MARCKS: variants seen among roughly 807,000 people sequenced by gnomAD.
MARCKS encodes the protein myristoylated alanine rich protein kinase C substrate, also known as myristoylated alanine-rich C-kinase substrate.
MARCKS carries 4 observed loss-of-function variants against 6.3 expected under a neutral mutation model. The ratio of observed to expected loss-of-function variants is 0.63; its 90% CI spans 0.31 to 1.45. The LOEUF (loss-of-function observed/expected upper bound fraction) is 1.45. MARCKS is among the 40% of genes most tolerant of loss of function. The pLI is 0.07. For synonymous variants in MARCKS, 289 were observed against 236.5 expected (o/e 1.22, Z -2.04); for missense variants, 636 against 485.7 (o/e 1.31, Z -2.91).
Position 113,861,582 on chromosome 6 carries a change from C to A in MARCKS, c.*1003C>A, listed in dbSNP as rs374346755. Reference sequence around the variant, plus strand: ...ATTACAGCAGATAATGCTTTCTTTTCCAGTCGTCTTTGAGAATAAAGGAAA... The same window carrying A: ...ATTACAGCAGATAATGCTTTCTTTTACAGTCGTCTTTGAGAATAAAGGAAA... On this transcript the variant is annotated 3_prime_UTR_variant, in exon 2 of 2. Transcript: ENST00000612661. The A allele has an allele frequency of 7.3e-5, 11 of 150,604 alleles. No individual in the cohort carries two copies. Among genetic ancestry groups the A allele is most frequent in the African/African-American group, 2.4e-4 (10 of 40,900 alleles). 9.3% of individuals were successfully genotyped at this position (150,604 alleles called of 1,614,324 possible). A position where few individuals can be genotyped will look rare whatever the true frequency, so the allele number is the denominator to read the frequency against.
At chr6:113,858,082 A>C (rs1271043479) in intron 1 of MARCKS, among the ~76,000 whole-genome samples, 11 of 152,130 alleles carry the variant, frequency 7.2e-5, no homozygotes, top group African/African-American at 7.2e-5. Flanking sequence ...GGAGTGATAA[A>C]TCGTCTAAAA....
Position 113,861,820 on chromosome 6 carries a change from T to C in MARCKS, c.*1241T>C, listed in dbSNP as rs1218069736. 1 of 152,626 alleles carries C rather than the reference T, an allele frequency of 6.6e-6. No individual in the cohort carries two copies. The highest frequency in any genetic ancestry group is 2.4e-5 in the African/African-American group (1 of 41,466). The allele number at this position is 152,626 out of a possible 1,614,324, so 9.5% of individuals were successfully genotyped here. On this transcript the variant is annotated 3_prime_UTR_variant, in exon 2 of 2. Transcript: ENST00000612661. ...AAAATGTACAAATTTGTTGTGTTTT[T>C]TTATGTTCTAATAATACTGAGACTT...
rs1477810287 is a variant in MARCKS, at chr6:113,862,098, G to A, written c.*1519G>A. On this transcript the variant is annotated 3_prime_UTR_variant, in exon 2 of 2. Coordinates refer to ENST00000612661, the MANE Select transcript of MARCKS (RefSeq NM_002356.7). Reference sequence around the variant, plus strand: ...TCAGATTAAATCATTTACAACAAAAGGGGTGTGAACCTAAGACTATTTAAA... The same window carrying A: ...TCAGATTAAATCATTTACAACAAAAAGGGTGTGAACCTAAGACTATTTAAA... 1 of 152,092 alleles carries A rather than the reference G, an allele frequency of 6.6e-6. No homozygotes were observed. Among genetic ancestry groups the A allele is most frequent in the Non-Finnish European group, 1.5e-5 (1 of 67,960 alleles). 9.4% of individuals were successfully genotyped at this position (152,092 alleles called of 1,614,324 possible).
At position 113,860,103 on chromosome 6, in the gene MARCKS, A is replaced by C. The variant is rs1774865712; in HGVS notation, c.523A>C (p.Lys175Gln). Residue 175 changes from lysine to glutamine, a missense_variant, in exon 2 of 2, where the codon AAG becomes CAG. Transcript: ENST00000612661. Reference protein sequence around the residue: ...KLSGFSFKKNKKEAGEGGEAE... With the variant: ...KLSGFSFKKNQKEAGEGGEAE... ...GAGCGGCTTCTCCTTCAAGAAGAACAAGAAGGAGGCTGGAGAAGGCGGTGA... is the reference window on the plus strand; with the variant it reads ...GAGCGGCTTCTCCTTCAAGAAGAACCAGAAGGAGGCTGGAGAAGGCGGTGA... 6.4e-7 allele frequency: 1 copy of C among 1,559,572 alleles called. No homozygotes were observed. The highest frequency in any genetic ancestry group is 1.4e-5 in the African/African-American group (1 of 70,708).
chr6:113,860,188 C>T lies in MARCKS; in HGVS notation c.608C>T (p.Ala203Val), dbSNP rs1001274333. The T allele has an allele frequency of 9.9e-5, 118 of 1,195,062 alleles. No individual in the cohort carries two copies. The highest frequency in any genetic ancestry group is 1.2e-4 in the Non-Finnish European group (113 of 957,528). The allele number at this position is 1,195,062 out of a possible 1,614,324, so 74.0% of individuals were successfully genotyped here. A position where few individuals can be genotyped will look rare whatever the true frequency, so the allele number is the denominator to read the frequency against. The change falls in exon 2 of 2, where the codon GCC (alanine) becomes GTC (valine). Residue 203 changes from alanine to valine, a missense_variant. Ala to Val is a moderately conservative substitution (Grantham distance 64). Transcript: ENST00000612661. The part of the protein sequence containing the change: ...KDEAAGGAAA[A>V]AAEAGAASGE... ...GAGGCCGCCGGGGGCGCAGCTGCGG[C>T]CGCCGCCGAGGCGGGCGCGGCCTCC...
At chr6:113,858,512 A>G (rs1002691398) in intron 1 of MARCKS, among the ~76,000 whole-genome samples, 1 of 152,154 alleles carries the variant, frequency 6.6e-6, no homozygotes, top group African/African-American at 2.4e-5. Context: ...TGGGGTGGGA[A>G]CACTCGGTGG....
rs766098375 is a variant in MARCKS, at chr6:113,861,866, T to A, written c.*1287T>A. ...GACTTCTAGGTCTTAGGTTAATTTTTAGGAAGATCTTGCATGCCATCAGGA... is the reference window on the plus strand; with the variant it reads ...GACTTCTAGGTCTTAGGTTAATTTTAAGGAAGATCTTGCATGCCATCAGGA... On this transcript the variant is annotated 3_prime_UTR_variant, in exon 2 of 2. Coordinates refer to ENST00000612661, the MANE Select transcript of MARCKS (RefSeq NM_002356.7). The A allele has an allele frequency of 6.5e-6, 1 of 152,734 alleles. No homozygotes were observed. Among genetic ancestry groups the A allele is most frequent in the Non-Finnish European group, 1.5e-5 (1 of 67,990 alleles). 9.5% of individuals were successfully genotyped at this position (152,734 alleles called of 1,614,324 possible).
Position 113,861,861 on chromosome 6 carries a change from A to G in MARCKS, c.*1282A>G, listed in dbSNP as rs1774905331. 6.6e-6 allele frequency: 1 copy of G among 152,574 alleles called. No homozygotes were observed. The highest frequency in any genetic ancestry group is 6.5e-5 in the Admixed American group (1 of 15,280). The allele number at this position is 152,574 out of a possible 1,614,324, so 9.5% of individuals were successfully genotyped here. A position where few individuals can be genotyped will look rare whatever the true frequency, so the allele number is the denominator to read the frequency against. On this transcript the variant is annotated 3_prime_UTR_variant, in exon 2 of 2. Transcript: ENST00000612661. Reference sequence around the variant, plus strand: ...ACTGAGACTTCTAGGTCTTAGGTTAATTTTTAGGAAGATCTTGCATGCCAT... The same window carrying G: ...ACTGAGACTTCTAGGTCTTAGGTTAGTTTTTAGGAAGATCTTGCATGCCAT...
rs984745086 is a variant in MARCKS at position 113,860,698 on chromosome 6, CT to C, written c.*126del. 8.8e-6 allele frequency: 6 copies of C among 685,272 alleles called. No individual in the cohort carries two copies. The highest frequency in any genetic ancestry group is 1.9e-5 in the African/African-American group (1 of 51,990). The allele number at this position is 685,272 out of a possible 1,614,324, so 42.4% of individuals were successfully genotyped here. The stretch of plus-strand genomic sequence containing the variant: ...AACCAGGGATTGATTTTAAAGATGT[CT>C]TTTTTTATTTTACTTTTTTTTAAGC... On this transcript the variant is annotated 3_prime_UTR_variant, in exon 2 of 2. Transcript: ENST00000612661.
chr6:113,858,508 G>A (rs886934636), intron 1 of MARCKS, among the ~76,000 whole-genome samples: 20 of 152,222 alleles, frequency 1.3e-4, no homozygotes, highest in African/African-American at 4.3e-4. Flanking sequence ...TCTGTGGGGT[G>A]GGAACACTCG....
chr6:113,859,212 T>C (rs1019501507), intron 1 of MARCKS, among the ~76,000 whole-genome samples: 1 of 152,208 alleles, frequency 6.6e-6, no homozygotes, highest in Non-Finnish European at 1.5e-5. Context: ...TCCTGGTATT[T>C]TGAAGAGGCC....
At chr6:113,858,767 A>G (rs1315722136) in intron 1 of MARCKS, among the ~76,000 whole-genome samples, 1 of 152,144 alleles carries the variant, frequency 6.6e-6, no homozygotes, top group Non-Finnish European at 1.5e-5. Context: ...GCTCTAACCT[A>G]CTGGGGAAAG....
rs1464618142 is a variant in MARCKS, at chr6:113,861,733, ACTC to A, written c.*1157_*1159del. The A allele has an allele frequency of 3.9e-5, 6 of 152,592 alleles. No homozygotes were observed. The highest frequency in any genetic ancestry group is 1.4e-4 in the African/African-American group (6 of 41,432). The allele number at this position is 152,592 out of a possible 1,614,324, so 9.5% of individuals were successfully genotyped here. ...CTTTGCTTACAAAAATTGCTATTAA[ACTC>A]CTGCTTAAGGTGTTCTAATTTTCTG... On this transcript the variant is annotated 3_prime_UTR_variant, in exon 2 of 2. Coordinates refer to ENST00000612661, the MANE Select transcript of MARCKS (RefSeq NM_002356.7).
Position 113,860,173 on chromosome 6 carries a change from G to T in MARCKS, c.593G>T (p.Gly198Val). Residue 198 changes from glycine (G) to valine (V), a missense_variant, in exon 2 of 2, where the codon GGG becomes GTG. Coordinates refer to ENST00000612661, the MANE Select transcript of MARCKS (RefSeq NM_002356.7). ...AAEGGKDEAA[G>V]GAAAAAAEAG... ...GAAGGCGGCAAGGACGAGGCCGCCG[G>T]GGGCGCAGCTGCGGCCGCCGCCGAG... The T allele has an allele frequency of 7.7e-7, 1 of 1,306,150 alleles. No homozygotes were observed. Among genetic ancestry groups the T allele is most frequent in the South Asian group, 1.9e-5 (1 of 51,936 alleles). 80.9% of individuals were successfully genotyped at this position (1,306,150 alleles called of 1,614,324 possible). A position where few individuals can be genotyped will look rare whatever the true frequency, so the allele number is the denominator to read the frequency against.
chr6:113,859,995 G>T lies in MARCKS; in HGVS notation c.415G>T (p.Glu139Ter). ...CTCCTCGACTTCTTCGCCCAAGGCC[G>T]AGGACGGGGCCACGCCCTCGCCCAG... ...AASSTSSPKA[E>*]DGATPSPSNE... Residue 139 changes from glutamate (E) to a stop codon, truncating the protein, a stop_gained, in exon 2 of 2, where the codon GAG (glutamate) becomes TAG (stop). Coordinates refer to ENST00000612661, the MANE Select transcript of MARCKS (RefSeq NM_002356.7). LOFTEE classifies it low-confidence loss of function (END_TRUNC). 1.3e-6 allele frequency: 2 copies of T among 1,559,812 alleles called. No homozygotes were observed.
Position 113,859,780 on chromosome 6 carries a change from C to T in MARCKS, c.200C>T (p.Ala67Val). The T allele has an allele frequency of 1.4e-6, 2 of 1,443,872 alleles. No homozygotes were observed. The allele number at this position is 1,443,872 out of a possible 1,614,324, so 89.4% of individuals were successfully genotyped here. ...ELQANGSAPA[A>V]DKEEPAAAGS... ...CAGGCCAACGGCAGCGCCCCGGCCG[C>T]CGACAAGGAGGAGCCCGCGGCCGCC... Residue 67 changes from alanine (A) to valine (V), a missense_variant, in exon 2 of 2, where the codon GCC (alanine) becomes GTC (valine). Coordinates refer to ENST00000612661, the MANE Select transcript of MARCKS (RefSeq NM_002356.7).
Position 113,862,415 on chromosome 6 carries a change from C to CATTTTTTTTT in MARCKS, c.*1836_*1837insATTTTTTTTT, listed in dbSNP as rs1562118784. On this transcript the variant is annotated 3_prime_UTR_variant, in exon 2 of 2. Transcript: ENST00000612661. Reference sequence around the variant, plus strand: ...GGGCCTTTAGCATAGTTTTAAGCATCCTTTTTTTTTTTTTTTTTTGAAAGT... The same window carrying CATTTTTTTTT: ...GGGCCTTTAGCATAGTTTTAAGCATCATTTTTTTTTCTTTTTTTTTTTTTTTTTTGAAAGT... 1.1e-5 allele frequency: 1 copy of CATTTTTTTTT among 87,460 alleles called. No individual in the cohort carries two copies. The highest frequency in any genetic ancestry group is 3.2e-5 in the African/African-American group (1 of 31,494). 5.4% of individuals were successfully genotyped at this position (87,460 alleles called of 1,614,324 possible).
chr6:113,863,378 T>C lies in MARCKS; in HGVS notation c.*2799T>C, dbSNP rs1422928809. ...TGTATTGGCAGTATGTATAATGGCA[T>C]TTGCTGTGGTTACAAAATACTTCCT... On this transcript the variant is annotated 3_prime_UTR_variant, in exon 2 of 2. Coordinates refer to ENST00000612661, the MANE Select transcript of MARCKS (RefSeq NM_002356.7). 6.6e-6 allele frequency: 1 copy of C among 152,190 alleles called. No homozygotes were observed. The highest frequency in any genetic ancestry group is 1.9e-4 in the East Asian group (1 of 5,208). 9.4% of individuals were successfully genotyped at this position (152,190 alleles called of 1,614,324 possible).
chr6:113,857,878 T>C (rs1249049185), intron 1 of MARCKS, 31 bp downstream of exon 1: 2 of 1,527,302 alleles, frequency 1.3e-6, no homozygotes, highest in South Asian at 2.4e-5. Context: ...TGGTCATTTA[T>C]TTCGTGTCTT....
Sources: gnomAD v4.1 joint callset for allele counts (sites outside exome capture counted in the v4.1 genomes callset) on GRCh38, gnomAD v4.1.1 for gene constraint, MANE v1.5 for transcripts, NCBI Gene and HGNC (gene_info 2026-07-23, HGNC 2026-07-21) for gene names.